The following MYH15 variants were observed in gnomAD, a reference collection of about 807,000 sequenced individuals.
MYH15 encodes myosin heavy chain 15, also known as myosin-15.
A neutral mutation model predicts 240.5 loss-of-function variants in MYH15; 227 were observed. The observed-to-expected ratio is 0.94, with a 90% CI of 0.85 to 1.05. The LOEUF (loss-of-function observed/expected upper bound fraction) is 1.05, where lower values mean the gene tolerates loss of function less well. Among genes scored for constraint, MYH15 ranks in the 50% least tolerant of loss-of-function variants. MYH15 has a pLI of 0.00. For synonymous variants in MYH15, 785 were observed against 796.7 expected, an observed-to-expected ratio of 0.99 and a Z score of 0.25; for missense variants, 2,217 against 2,247.5, an observed-to-expected ratio of 0.99 and a Z score of 0.27.
rs1576208641 is a variant in MYH15 at position 108,399,149 on chromosome 3, G to A, written c.4855C>T (p.Leu1619Phe). 4 of 1,614,220 alleles carry A rather than the reference G, an allele frequency of 2.5e-6. No homozygotes were observed. The highest frequency in any genetic ancestry group is 3.4e-6 in the Non-Finnish European group (4 of 1,180,032). The change falls in exon 34 of 41, where the codon CTC (leucine) becomes TTC (phenylalanine). Residue 1619 changes from leucine (L) to phenylalanine (F), a missense_variant. By Grantham distance (22) the Leu-to-Phe change is conservative. Coordinates refer to ENST00000693548, the MANE Select transcript of MYH15 (RefSeq NM_014981.3). ...KMEEDLNEME[L>F]QLSCANRQVS... ...TGCCGGTTGGCACAGCTAAGCTGGA[G>A]TTCCATCTCATTGAGGTCCTCTTCC...
chr3:108,526,498 G>A (rs1356192227), intron 1 of MYH15, among the ~76,000 whole-genome samples: 3 of 152,142 alleles, frequency 2.0e-5, no homozygotes, highest in Non-Finnish European at 4.4e-5. Flanking sequence ...GACACAGAAT[G>A]AGCACTGGTG....
chr3:108,428,756 T>G lies in MYH15; in HGVS notation c.3438A>C (p.Gly1146=), dbSNP rs2082749935. The change falls in exon 27 of 41, where the codon GGA becomes GGC. Residue 1146 remains glycine (G), a synonymous_variant. Transcript: ENST00000693548. ...ADLNERLEEV[G]GSSLAQLEIT... ...TTTCCAGCTGAGCCAAACTGGATCC[T>G]CCTACCTCCTCCAGCCTCTCATTCA... is the stretch of plus-strand genomic sequence containing the variant. 1.2e-6 allele frequency: 2 copies of G among 1,614,002 alleles called. No individual in the cohort carries two copies. The highest frequency in any genetic ancestry group is 1.6e-4 in the Middle Eastern group (1 of 6,084).
Position 108,464,616 on chromosome 3 carries a change from C to T in MYH15, c.1731+22G>A, listed in dbSNP as rs778441242. On this transcript the variant is annotated intron_variant, in intron 15 of 40. Coordinates refer to ENST00000693548, the MANE Select transcript of MYH15 (RefSeq NM_014981.3). ...AAACAAAGTCAGGAAAATTCAAGACCGGGGGTCCAGAGGTAACTCACCACT... is the reference window on the plus strand; with the variant it reads ...AAACAAAGTCAGGAAAATTCAAGACTGGGGGTCCAGAGGTAACTCACCACT... 1.5e-5 allele frequency: 24 copies of T among 1,574,006 alleles called. No individual in the cohort carries two copies. The South Asian group carries it at 2.3e-4, about 15-fold the overall frequency.
intron 14 of MYH15, among the ~76,000 whole-genome samples, chr3:108,468,813 A>G (rs936518137): frequency 2.6e-5 from 4 of 152,218 alleles, no homozygotes; most frequent in African/African-American, 7.2e-5. Flanking sequence ...GCCTGAAAAC[A>G]GTATCTTGTC....
chr3:108,398,787 C>G lies in MYH15; in HGVS notation c.4983G>C (p.Glu1661Asp). 1 of 1,614,204 alleles carries G rather than the reference C, an allele frequency of 6.2e-7. No individual in the cohort carries two copies. Among genetic ancestry groups the G allele is most frequent in the Non-Finnish European group, 8.5e-7 (1 of 1,180,040 alleles). Residue 1661 changes from glutamate to aspartate, a missense_variant, in exon 35 of 41, where the codon GAG (glutamate) becomes GAC (aspartate). Transcript: ENST00000693548. Reference sequence around the variant, plus strand: ...TGCGCCGCTCAGCCACAGCCACCTGCTCCTTCAGATCACTGTTCAGTTGTG... The same window carrying G: ...TGCGCCGCTCAGCCACAGCCACCTGGTCCTTCAGATCACTGTTCAGTTGTG... ...DSTQLNSDLK[E>D]QVAVAERRNS...
intron 28 of MYH15, 129 bp downstream of exon 28, chr3:108,420,959 G>T: frequency 7.7e-7 from 1 of 1,306,392 alleles, no homozygotes; most frequent in Non-Finnish European, 1.1e-6. Context: ...TGTCTCAGAG[G>T]CTGCATTCCT....
At position 108,383,736 on chromosome 3, in the gene MYH15, A is replaced by AAAT. The variant is rs752109758; in HGVS notation, c.5632-10_5632-8dup. 10 of 1,431,634 alleles carry AAAT rather than the reference A, an allele frequency of 7.0e-6. No homozygotes were observed. The highest frequency in any genetic ancestry group is 9.2e-6 in the Non-Finnish European group (10 of 1,090,118). 88.7% of individuals were successfully genotyped at this position (1,431,634 alleles called of 1,614,324 possible). A position where few individuals can be genotyped will look rare whatever the true frequency, so the allele number is the denominator to read the frequency against. On this transcript the variant is annotated splice_region_variant and splice_polypyrimidine_tract_variant and intron_variant, in intron 39 of 40. Coordinates refer to ENST00000693548, the MANE Select transcript of MYH15 (RefSeq NM_014981.3). ...ATTGATTGGCTTGTGTTTCCTATAA[A>AAAT]AATAAAAAAAAAAAAAAAGAAATCT...
intron 3 of MYH15, among the ~76,000 whole-genome samples, chr3:108,500,690 G>A (rs2083429785): frequency 6.6e-6 from 1 of 152,186 alleles, no homozygotes; most frequent in East Asian, 1.9e-4. Context: ...TGAAGGGGTT[G>A]AATTGTCGCC....
chr3:108,408,803 C>T (rs1292002321), intron 31 of MYH15, among the ~76,000 whole-genome samples: 4 of 152,138 alleles, frequency 2.6e-5, no homozygotes, highest in Non-Finnish European at 4.4e-5. Flanking sequence ...TTTCAGCCAC[C>T]ACTCAACACT....
intron 27 of MYH15, among the ~76,000 whole-genome samples, chr3:108,422,506 T>G (rs527697067): frequency 1.7e-4 from 26 of 152,168 alleles, no homozygotes; most frequent in Non-Finnish European, 3.4e-4. Context: ...GATCTTTGAA[T>G]GCCTTCCATC....
rs745584646 is a variant in MYH15 at position 108,454,065 on chromosome 3, G to A, written c.2340C>T (p.Phe780=). 1.2e-6 allele frequency: 2 copies of A among 1,612,894 alleles called. No individual in the cohort carries two copies. Among genetic ancestry groups the A allele is most frequent in the Non-Finnish European group, 1.7e-6 (2 of 1,179,264 alleles). ...TCAGTTTGCCCTGTGCTCTGGCTTG[G>A]AACAATGTGAAGACTTTAGATAGTC... ...DERLSKVFTL[F]QARAQGKLMR... Residue 780 remains phenylalanine, a synonymous_variant, in exon 21 of 41, where the codon TTC becomes TTT. Transcript: ENST00000693548.
intron 22 of MYH15, among the ~76,000 whole-genome samples, chr3:108,444,180 TA>T (rs962010744): frequency 6.6e-6 from 1 of 151,754 alleles, no homozygotes; most frequent in African/African-American, 2.4e-5. Context: ...TTAATTTTTT[TA>T]AAAAAAGCTC....
chr3:108,460,372 C>CAA lies in MYH15; in HGVS notation c.1865-7_1865-6dup, dbSNP rs11303627. The stretch of plus-strand genomic sequence containing the variant: ...TCTTCTCCCCAAATGGTATAGCTAG[C>CAA]AAAAAAAAAAAAAGAAAAAGATGAA... On this transcript the variant is annotated splice_polypyrimidine_tract_variant and splice_region_variant and intron_variant, in intron 16 of 40. Transcript: ENST00000693548. 765 of 1,332,626 alleles carry CAA rather than the reference C, an allele frequency of 5.7e-4. No homozygotes were observed. Among genetic ancestry groups the CAA allele is most frequent in the Non-Finnish European group, 6.6e-4 (661 of 994,984 alleles). The allele number at this position is 1,332,626 out of a possible 1,614,324, so 82.6% of individuals were successfully genotyped here.
intron 9 of MYH15, among the ~76,000 whole-genome samples, chr3:108,491,322 C>A (rs914901011): frequency 6.6e-6 from 1 of 152,208 alleles, no homozygotes; most frequent in Non-Finnish European, 1.5e-5. Context: ...GTACACATAG[C>A]AGCTCCATAA....
At chr3:108,439,692 TATATGTAGACAG>T (rs2082869484) in intron 24 of MYH15, 33 bp downstream of exon 24, 1 of 1,412,632 alleles carries the variant, frequency 7.1e-7, no homozygotes, top group African/African-American at 1.4e-5. Context: ...GAGTTATGTG[TATATGTAGACAG>T]ATAGATAACT....
rs113153088 is a variant in MYH15 at position 108,456,887 on chromosome 3, G to GAA, written c.2021-6_2021-5dup. 3.2e-5 allele frequency: 46 copies of GAA among 1,423,602 alleles called. No individual in the cohort carries two copies. Among genetic ancestry groups the GAA allele is most frequent in the Middle Eastern group, 1.9e-4 (1 of 5,388 alleles). The allele number at this position is 1,423,602 out of a possible 1,614,324, so 88.2% of individuals were successfully genotyped here. On this transcript the variant is annotated splice_polypyrimidine_tract_variant and splice_region_variant and intron_variant, in intron 18 of 40. Coordinates refer to ENST00000693548, the MANE Select transcript of MYH15 (RefSeq NM_014981.3). The stretch of plus-strand genomic sequence containing the variant: ...ACCAAGTAAGGGTCCAGTATACCTG[G>GAA]AAAAAAAAAAGAGTCATGGTGGATC...
intron 27 of MYH15, among the ~76,000 whole-genome samples, chr3:108,427,010 T>C (rs1411693582): frequency 6.6e-6 from 1 of 152,276 alleles, no homozygotes; most frequent in African/African-American, 2.4e-5. Context: ...GGAATGTCTA[T>C]GCTATGCCTG....
intron 31 of MYH15, among the ~76,000 whole-genome samples, chr3:108,408,935 G>C (rs1442026165): frequency 6.6e-6 from 1 of 152,220 alleles, no homozygotes; most frequent in Non-Finnish European, 1.5e-5. Flanking sequence ...AAGCACTTGA[G>C]TGTTTTTTCC....
At position 108,444,724 on chromosome 3, in the gene MYH15, T is replaced by C; in HGVS notation, c.2571A>G (p.Lys857=). The C allele has an allele frequency of 6.2e-7, 1 of 1,614,048 alleles. No homozygotes were observed. The highest frequency in any genetic ancestry group is 1.7e-5 in the Admixed American group (1 of 60,006). ...ECAQLQKALE[K]SEFQREELKA... ...TCAGTTCCTCCCTCTGAAACTCTGA[T>C]TTCTCCAAGGCTTTCTGTAATTGTG... The change falls in exon 22 of 41, where the codon AAA becomes AAG. Residue 857 remains lysine, a synonymous_variant. Transcript: ENST00000693548.
Sources: allele counts gnomAD v4.1 joint callset (sites outside exome capture counted in the v4.1 genomes callset), GRCh38; gene constraint gnomAD v4.1.1; transcripts MANE v1.5; gene names NCBI Gene and HGNC (gene_info 2026-07-23, HGNC 2026-07-21).